Variants in LAMTOR4 observed in about 807,000 individuals in gnomAD.
LAMTOR4 encodes the protein late endosomal/lysosomal adaptor, MAPK and MTOR activator 4.
LAMTOR4 carries 11 observed loss-of-function variants against 13.5 expected under a neutral mutation model. The observed-to-expected ratio is 0.82, with a 90% CI of 0.51 to 1.35. The LOEUF is 1.35. Among genes scored for constraint, LAMTOR4 ranks in the 40% most tolerant of loss-of-function variants. The pLI is 0.00. For missense variants in LAMTOR4, 128 were observed against 126.2 expected, an observed-to-expected ratio of 1.01 and a Z score of -0.07; for synonymous variants, 69 against 52.3, an observed-to-expected ratio of 1.32 and a Z score of -1.38.
chr7:100,149,230 G>A, intron 1 of LAMTOR4: 1 of 608,700 alleles, frequency 1.6e-6, no homozygotes, highest in South Asian at 2.0e-5. Flanking sequence ...TGGGGGCAGG[G>A]GCCAGTGGGG....
rs1325122308 is a variant in LAMTOR4 at position 100,153,714 on chromosome 7, A to G, written c.203-153A>G. On this transcript the variant is annotated intron_variant, in intron 3 of 3. Transcript: ENST00000341942. ...AAAGGAGATCTAGCAGAGGCCACTCATCTTCAAATCTCTGAGCCTGGAACT... is the reference window on the plus strand; with the variant it reads ...AAAGGAGATCTAGCAGAGGCCACTCGTCTTCAAATCTCTGAGCCTGGAACT... 1.6e-5 allele frequency: 12 copies of G among 747,864 alleles called. No homozygotes were observed. The East Asian group carries it at 3.2e-4, about 20-fold the overall frequency. The allele number at this position is 747,864 out of a possible 1,614,324, so 46.3% of individuals were successfully genotyped here. A position where few individuals can be genotyped will look rare whatever the true frequency, so the allele number is the denominator to read the frequency against.
intron 1 of LAMTOR4, 86 bp from the exon 2 acceptor site, chr7:100,149,413 C>A: frequency 1.1e-6 from 1 of 924,768 alleles, no homozygotes; most frequent in Non-Finnish European, 1.8e-6. Flanking sequence ...CCATCGTCAA[C>A]CCAGAGACTT....
In LAMTOR4 at chr7:100,153,878, G is replaced by A; in HGVS notation, c.214G>A (p.Glu72Lys). The change falls in exon 4 of 4, where the codon GAA becomes AAA. Residue 72 changes from glutamate (E) to lysine (K), a missense_variant. By Grantham distance (56) the Glu-to-Lys change is moderately conservative. Coordinates refer to ENST00000341942, the MANE Select transcript of LAMTOR4 (RefSeq NM_001008395.4). ...PFKRLSVVFG[E>K]HTLLVTVSGQ... ...TGTCTCTCCTCCAGTGGTCTTTGGA[G>A]AACACACACTGCTGGTGACGGTGTC... 1 of 1,580,332 alleles carries A rather than the reference G, an allele frequency of 6.3e-7. No homozygotes were observed. Among genetic ancestry groups the A allele is most frequent in the Non-Finnish European group, 8.6e-7 (1 of 1,162,830 alleles).
In LAMTOR4 at chr7:100,149,817, C is replaced by G. The variant is rs1798644067; in HGVS notation, c.84+238C>G. 7 of 401,732 alleles carry G rather than the reference C, an allele frequency of 1.7e-5. No individual in the cohort carries two copies. In the Admixed American group the frequency reaches 2.5e-4, roughly 14 times the overall value. 24.9% of individuals were successfully genotyped at this position (401,732 alleles called of 1,614,324 possible). ...TGAGACTGAGTTTCGTTCTTGTTGCCCAAGCTGGAGTGCAGTGGTGCGACC... is the reference window on the plus strand; with the variant it reads ...TGAGACTGAGTTTCGTTCTTGTTGCGCAAGCTGGAGTGCAGTGGTGCGACC... On this transcript the variant is annotated intron_variant, in intron 2 of 3. Transcript: ENST00000341942.
intron 1 of LAMTOR4, 33 bp downstream of exon 1, chr7:100,149,008 C>CG: frequency 6.2e-7 from 1 of 1,604,400 alleles, no homozygotes; most frequent in South Asian, 1.1e-5. Flanking sequence ...GAGGACCCGC[C>CG]GGGGGTTCAG....
At chr7:100,149,333 C>T in intron 1 of LAMTOR4, 166 bp from the exon 2 acceptor site, 1 of 647,208 alleles carries the variant, frequency 1.5e-6, no homozygotes, top group South Asian at 1.8e-5. Context: ...TCGGGAAGAT[C>T]AGTATTGAGG....
At chr7:100,150,817 G>C (rs111528713) in intron 2 of LAMTOR4, among the ~76,000 whole-genome samples, 46 of 151,804 alleles carry the variant, frequency 3.0e-4, no homozygotes, top group East Asian at 1.2e-3. Context: ...AACCCCGTCT[G>C]TACTAAAAAT....
intron 2 of LAMTOR4, among the ~76,000 whole-genome samples, chr7:100,151,787 C>G (rs1280508373): frequency 1.3e-5 from 2 of 151,556 alleles, no homozygotes; most frequent in Non-Finnish European, 2.9e-5. Flanking sequence ...GCCTTGAACT[C>G]CTGGGCCCAA....
chr7:100,149,477 G>A (rs770227474), intron 1 of LAMTOR4, 22 bp from the exon 2 acceptor site: 22 of 1,564,664 alleles, frequency 1.4e-5, no homozygotes, highest in Non-Finnish European at 1.7e-5. Flanking sequence ...TGCTTCTCAC[G>A]ACTTGCATCT....
chr7:100,154,058 C>A lies in LAMTOR4; in HGVS notation c.*94C>A. ...TGTCGGTCTTGGCTTGCTGCTAGAACTAGGGCCTTCTGCTCGCCCACCTCC... is the reference window on the plus strand; with the variant it reads ...TGTCGGTCTTGGCTTGCTGCTAGAAATAGGGCCTTCTGCTCGCCCACCTCC... On this transcript the variant is annotated 3_prime_UTR_variant, in exon 4 of 4. Coordinates refer to ENST00000341942, the MANE Select transcript of LAMTOR4 (RefSeq NM_001008395.4). The A allele has an allele frequency of 1.1e-6, 1 of 935,774 alleles. No homozygotes were observed. The highest frequency in any genetic ancestry group is 1.4e-5 in the South Asian group (1 of 69,698). 58.0% of individuals were successfully genotyped at this position (935,774 alleles called of 1,614,324 possible).
chr7:100,149,116 A>T, intron 1 of LAMTOR4, 141 bp downstream of exon 1: 1 of 1,104,422 alleles, frequency 9.1e-7, no homozygotes, highest in Non-Finnish European at 1.3e-6. Context: ...TGGAAATGGG[A>T]GGGATGGCGA....
chr7:100,149,466 A>G (rs757045455), intron 1 of LAMTOR4, 33 bp from the exon 2 acceptor site: 4 of 1,478,834 alleles, frequency 2.7e-6, no homozygotes, highest in Admixed American at 1.7e-5. Flanking sequence ...TCCCTCTAGC[A>G]TGCTTCTCAC....
rs562716724 is a variant in LAMTOR4, at chr7:100,149,338, T to C, written c.4-161T>C. 3.9e-4 allele frequency: 266 copies of C among 677,518 alleles called. No homozygotes were observed. In the African/African-American group the frequency reaches 4.3e-3, roughly 11 times the overall value. 42.0% of individuals were successfully genotyped at this position (677,518 alleles called of 1,614,324 possible). ...AGATGGAGGCTCGGGAAGATCAGTA[T>C]TGAGGACCATGTAGGGGGGAGGGGG... is the stretch of plus-strand genomic sequence containing the variant. On this transcript the variant is annotated intron_variant, in intron 1 of 3. Coordinates refer to ENST00000341942, the MANE Select transcript of LAMTOR4 (RefSeq NM_001008395.4).
intron 3 of LAMTOR4, 40 bp downstream of exon 3, chr7:100,153,557 C>CG (rs756325888): frequency 3.3e-6 from 5 of 1,529,062 alleles, no homozygotes; most frequent in Admixed American, 1.7e-5. Flanking sequence ...GTACTGGGAG[C>CG]GGGGGGCTAC....
Position 100,153,442 on chromosome 7 carries a change from A to AT in LAMTOR4, c.128dup (p.Ser44LeufsTer2), listed in dbSNP as rs1562950120. 1 of 1,611,406 alleles carries AT rather than the reference A, an allele frequency of 6.2e-7. No individual in the cohort carries two copies. The stretch of plus-strand genomic sequence containing the variant: ...GAATGATGAGCAGGCAGCCAGTGCC[A>AT]TCTCTGAGCTGGTCAGCACAGCCTG... On this transcript the variant is annotated frameshift_variant, in exon 3 of 4. Transcript: ENST00000341942. LOFTEE classifies it high-confidence loss of function.
Sources: gnomAD v4.1 joint callset for allele counts (sites outside exome capture counted in the v4.1 genomes callset) on GRCh38, gnomAD v4.1.1 for gene constraint, MANE v1.5 for transcripts, NCBI Gene and HGNC (gene_info 2026-07-23, HGNC 2026-07-21) for gene names.